Variants in DLGAP2 observed in about 807,000 individuals in gnomAD.
DLGAP2 encodes disks large-associated protein 2.
In DLGAP2, 26 loss-of-function variants were observed where a neutral mutation model predicts 100.3. The ratio of observed to expected loss-of-function variants is 0.26; its 90% CI spans 0.19 to 0.36. The LOEUF (loss-of-function observed/expected upper bound fraction) is 0.36, where lower values mean the gene tolerates loss of function less well. Among genes scored for constraint, DLGAP2 ranks in the 10% least tolerant of loss-of-function variants. The pLI, the probability that DLGAP2 is intolerant of heterozygous loss-of-function variation, is 1.00. For missense variants in DLGAP2, 1,858 were observed against 1,453.2 expected (o/e 1.28, Z -4.53); for synonymous variants, 886 against 630.1 (o/e 1.41, Z -6.08).
intron 3 of DLGAP2, among the ~76,000 whole-genome samples, chr8:1,370,836 A>T (rs1802220193): frequency 6.6e-6 from 1 of 152,242 alleles, no homozygotes; most frequent in Non-Finnish European, 1.5e-5. Context: ...AATTGGGCAT[A>T]AAAGATGAGT....
intron 2 of DLGAP2, among the ~76,000 whole-genome samples, chr8:1,252,262 C>G (rs1024226366): frequency 6.6e-6 from 1 of 150,396 alleles, no homozygotes; most frequent in Admixed American, 6.6e-5. Flanking sequence ...GTCGTGGTGT[C>G]ACAGTCACGT....
chr8:1,069,517 C>T (rs1361403511), intron 2 of DLGAP2, among the ~76,000 whole-genome samples: 1 of 152,112 alleles, frequency 6.6e-6, no homozygotes, highest in East Asian at 1.9e-4. Flanking sequence ...TTTGAGATAA[C>T]GGTTTCTGGG....
intron 3 of DLGAP2, among the ~76,000 whole-genome samples, chr8:1,368,295 G>C (rs960270395): frequency 3.3e-5 from 5 of 151,882 alleles, no homozygotes; most frequent in African/African-American, 1.2e-4. Context: ...TGTGTATTAT[G>C]TGTATGTGCA....
chr8:797,050 T>C (rs1796050446), intron 1 of DLGAP2, among the ~76,000 whole-genome samples: 1 of 152,238 alleles, frequency 6.6e-6, no homozygotes, highest in East Asian at 1.9e-4. Context: ...TCAATATTAC[T>C]TTCTTGTTTT....
intron 2 of DLGAP2, among the ~76,000 whole-genome samples, chr8:994,878 G>A (rs547045161): frequency 1.3e-5 from 2 of 152,278 alleles, no homozygotes; most frequent in African/African-American, 2.4e-5. Context: ...ACACTTGAGT[G>A]CATTTTGCTT....
chr8:1,632,447 G>T (rs73543238), intron 7 of DLGAP2, among the ~76,000 whole-genome samples: 10 of 152,038 alleles, frequency 6.6e-5, no homozygotes, highest in Admixed American at 3.9e-4. Flanking sequence ...CTTGGAAAGG[G>T]GGGGCCGTCA....
At chr8:813,771 C>T (rs1402204058) in intron 1 of DLGAP2, among the ~76,000 whole-genome samples, 1 of 152,152 alleles carries the variant, frequency 6.6e-6, no homozygotes, top group Non-Finnish European at 1.5e-5. Flanking sequence ...GGTTCTTTCT[C>T]CCTCCACTGA....
intron 2 of DLGAP2, among the ~76,000 whole-genome samples, chr8:1,224,430 G>A (rs1003592862): frequency 6.6e-6 from 1 of 152,118 alleles, no homozygotes; most frequent in African/African-American, 2.4e-5. Flanking sequence ...ACATATTTAT[G>A]TACAAGTTCA....
chr8:1,387,841 T>G (rs2129794951), intron 3 of DLGAP2, among the ~76,000 whole-genome samples: 1 of 152,158 alleles, frequency 6.6e-6, no homozygotes, highest in East Asian at 1.9e-4. Context: ...AGGAGGCCAG[T>G]GATGTCAGTC....
chr8:1,543,798 C>T (rs1426733612), intron 4 of DLGAP2, among the ~76,000 whole-genome samples: 3 of 152,190 alleles, frequency 2.0e-5, no homozygotes, highest in Non-Finnish European at 4.4e-5. Flanking sequence ...ATTAAGTCTG[C>T]CAATCTATGA....
intron 6 of DLGAP2, among the ~76,000 whole-genome samples, chr8:1,588,263 G>A (rs912445976): frequency 4.6e-5 from 7 of 152,024 alleles, no homozygotes; most frequent in Non-Finnish European, 1.0e-4. Context: ...GCTATTGAAG[G>A]TGCGACCTTC....
At chr8:919,470 C>A (rs565014921) in intron 2 of DLGAP2, among the ~76,000 whole-genome samples, 67 of 152,074 alleles carry the variant, frequency 4.4e-4, no homozygotes, top group Admixed American at 2.9e-3. Context: ...AGCTCCCCCA[C>A]TGCTGATGAG....
At chr8:1,232,543 A>G (rs972991253) in intron 2 of DLGAP2, among the ~76,000 whole-genome samples, 3 of 152,216 alleles carry the variant, frequency 2.0e-5, no homozygotes, top group African/African-American at 4.8e-5. Flanking sequence ...CTGAGGCTCA[A>G]TGTGGTGATG....
At chr8:1,171,845 A>G (rs1039333793) in intron 2 of DLGAP2, among the ~76,000 whole-genome samples, 4 of 152,274 alleles carry the variant, frequency 2.6e-5, no homozygotes, top group Non-Finnish European at 5.9e-5. Context: ...CCAATTTGCC[A>G]GTCTGTGTCT....
At chr8:1,433,667 A>C (rs983959369) in intron 3 of DLGAP2, among the ~76,000 whole-genome samples, 2 of 151,516 alleles carry the variant, frequency 1.3e-5, no homozygotes. Context: ...TTGGCAAACC[A>C]CTGAACACTG....
chr8:1,669,196 C>A (rs535872982), intron 9 of DLGAP2, among the ~76,000 whole-genome samples: 1 of 152,316 alleles, frequency 6.6e-6, no homozygotes, highest in East Asian at 1.9e-4. Flanking sequence ...TGCTGGCAGG[C>A]CCCTCAGCTG....
intron 1 of DLGAP2, among the ~76,000 whole-genome samples, chr8:836,111 G>T (rs551863541): frequency 6.6e-6 from 1 of 152,218 alleles, no homozygotes; most frequent in Non-Finnish European, 1.5e-5. Context: ...CAGCTGTGTT[G>T]TTCCTGAACG....
At chr8:1,303,660 A>G (rs1180340391) in intron 3 of DLGAP2, among the ~76,000 whole-genome samples, 10 of 152,068 alleles carry the variant, frequency 6.6e-5, no homozygotes, top group Admixed American at 6.5e-4. Context: ...ACTCCCCAAC[A>G]CTCAGGAGCC....
At chr8:892,700 G>T (rs1451507356) in intron 1 of DLGAP2, among the ~76,000 whole-genome samples, 5 of 152,192 alleles carry the variant, frequency 3.3e-5, no homozygotes, top group African/African-American at 9.6e-5. Flanking sequence ...GAACAGAGAG[G>T]CGGGGGAGAC....
Sources: allele counts gnomAD v4.1 joint callset (sites outside exome capture counted in the v4.1 genomes callset), GRCh38; gene constraint gnomAD v4.1.1; transcripts MANE v1.5; gene names NCBI Gene and HGNC (gene_info 2026-07-23, HGNC 2026-07-21).